Variants in ALOX5AP observed in about 807,000 individuals in gnomAD.
ALOX5AP encodes the protein arachidonate 5-lipoxygenase activating protein, also known as arachidonate 5-lipoxygenase-activating protein.
Under a neutral mutation model 18.5 loss-of-function variants are expected in ALOX5AP, and 9 were observed. The observed-to-expected ratio is 0.49, with a 90% confidence interval of 0.29 to 0.85. The LOEUF is 0.85. Among genes scored for constraint, ALOX5AP ranks in the 40% least tolerant of loss-of-function variants. The pLI, the probability that ALOX5AP is intolerant of heterozygous loss-of-function variation, is 0.08. For synonymous variants in ALOX5AP, 81 were observed against 78.6 expected, an observed-to-expected ratio of 1.03 and a Z score of -0.16; for missense variants, 172 against 202.5, an observed-to-expected ratio of 0.85 and a Z score of 0.91.
chr13:30,718,526 G>C (rs1033964119), intron 1 of ALOX5AP, among the ~76,000 whole-genome samples: 1 of 151,708 alleles, frequency 6.6e-6, no homozygotes, highest in African/African-American at 2.4e-5. Flanking sequence ...CCCATCCACT[G>C]TGCCCTTTGG....
At chr13:30,744,423 T>C (rs747256766) in intron 2 of ALOX5AP, 4 of 362,692 alleles carry the variant, frequency 1.1e-5, no homozygotes, top group Non-Finnish European at 2.1e-5. Context: ...CAGAAAGATC[T>C]GAAAGAGTCA....
At position 30,763,088 on chromosome 13, in the gene ALOX5AP, G is replaced by T. The variant is rs372645752; in HGVS notation, c.324-856G>T. Among the ~76,000 whole-genome samples the T allele has an allele frequency of 3.9e-5, 6 of 152,130 alleles. No individual in the cohort carries two copies. In the East Asian group the frequency reaches 1.2e-3, roughly 29 times the overall value. ...TTTGGGAGGCCGAGGTGAGTGGATTGCCTGAGCTCAGGAGTTCAAGACCAG... is the reference window on the plus strand; with the variant it reads ...TTTGGGAGGCCGAGGTGAGTGGATTTCCTGAGCTCAGGAGTTCAAGACCAG... On this transcript the variant is annotated intron_variant, in intron 4 of 4. Coordinates refer to ENST00000380490, the MANE Select transcript of ALOX5AP (RefSeq NM_001629.4).
intron 1 of ALOX5AP, among the ~76,000 whole-genome samples, chr13:30,741,871 G>C (rs1951769665): frequency 6.9e-6 from 1 of 144,888 alleles, no homozygotes; most frequent in Non-Finnish European, 1.5e-5. Flanking sequence ...TCAGTGGTTG[G>C]TTGACTCCAG....
intron 2 of ALOX5AP, among the ~76,000 whole-genome samples, chr13:30,749,171 GAACTAATAGTCAGGA>G (rs1486625274): frequency 6.6e-6 from 1 of 152,214 alleles, no homozygotes; most frequent in African/African-American, 2.4e-5. Flanking sequence ...AAGGTGACTT[GAACTAATAGTCAGGA>G]ATGGTTGAAT....
At chr13:30,747,082 C>T (rs1425333184) in intron 2 of ALOX5AP, among the ~76,000 whole-genome samples, 1 of 152,230 alleles carries the variant, frequency 6.6e-6, no homozygotes, top group Non-Finnish European at 1.5e-5. Flanking sequence ...TGGGCTGTCC[C>T]TCCACCCATC....
At chr13:30,717,157 T>A (rs1357603787) in intron 1 of ALOX5AP, among the ~76,000 whole-genome samples, 3 of 152,180 alleles carry the variant, frequency 2.0e-5, no homozygotes, top group Non-Finnish European at 4.4e-5. Flanking sequence ...TGAAAACACC[T>A]CTAGCAGGCA....
At position 30,764,358 on chromosome 13, in the gene ALOX5AP, C is replaced by G. The variant is rs1951972497; in HGVS notation, c.*252C>G. ...TGTTTGTTTCTTCACTTATCCTGTT[C>G]TCTGAAGATGTTTTGTGACCAGGTT... On this transcript the variant is annotated 3_prime_UTR_variant, in exon 5 of 5. Transcript: ENST00000380490. The G allele has an allele frequency of 2.4e-6, 1 of 410,924 alleles. No homozygotes were observed. The allele number at this position is 410,924 out of a possible 1,614,324, so 25.5% of individuals were successfully genotyped here.
At chr13:30,737,745 CAG>C (rs1951732683) in intron 1 of ALOX5AP, among the ~76,000 whole-genome samples, 1 of 152,136 alleles carries the variant, frequency 6.6e-6, no homozygotes, top group African/African-American at 2.4e-5. Flanking sequence ...AATTTGTGGT[CAG>C]AGTGACTTTG....
intron 1 of ALOX5AP, among the ~76,000 whole-genome samples, chr13:30,719,703 G>A (rs1951578266): frequency 6.6e-6 from 1 of 152,206 alleles, no homozygotes; most frequent in Non-Finnish European, 1.5e-5. Context: ...TTCTAGAGAA[G>A]TGAGACGATG....
At chr13:30,754,562 T>A (rs956128504) in intron 3 of ALOX5AP, among the ~76,000 whole-genome samples, 5 of 152,230 alleles carry the variant, frequency 3.3e-5, no homozygotes, top group Non-Finnish European at 5.9e-5. Flanking sequence ...ATCTGGCTAT[T>A]TATGACCTAC....
At chr13:30,757,400 C>T (rs1384927000) in intron 4 of ALOX5AP, among the ~76,000 whole-genome samples, 1 of 152,166 alleles carries the variant, frequency 6.6e-6, no homozygotes, top group Non-Finnish European at 1.5e-5. Context: ...TTCTTCATTC[C>T]TCTCTAGTGG....
intron 1 of ALOX5AP, among the ~76,000 whole-genome samples, chr13:30,736,603 C>T (rs1951724047): frequency 6.6e-6 from 1 of 152,166 alleles, no homozygotes; most frequent in Non-Finnish European, 1.5e-5. Flanking sequence ...AGTATTTAAT[C>T]ACTTTGGGAT....
chr13:30,757,002 G>A (rs17222933), intron 4 of ALOX5AP, among the ~76,000 whole-genome samples: 9,888 of 152,048 alleles, frequency 0.065, 453 homozygotes, highest in Non-Finnish European at 0.1. Context: ...AAGAAATGTC[G>A]GCGTTAGAGT....
chr13:30,738,073 A>C (rs1203217773), intron 1 of ALOX5AP, among the ~76,000 whole-genome samples: 1 of 152,176 alleles, frequency 6.6e-6, no homozygotes, highest in Non-Finnish European at 1.5e-5. Flanking sequence ...ATTTCCTGTT[A>C]GTTAAAAAAA....
At chr13:30,725,186 C>T (rs949692008) in intron 1 of ALOX5AP, among the ~76,000 whole-genome samples, 4 of 152,170 alleles carry the variant, frequency 2.6e-5, no homozygotes, top group African/African-American at 9.7e-5. Flanking sequence ...AGTGGTTAAT[C>T]GTTTAGTCTG....
chr13:30,746,634 G>A (rs1000474158), intron 2 of ALOX5AP, among the ~76,000 whole-genome samples: 4 of 152,200 alleles, frequency 2.6e-5, no homozygotes, highest in Admixed American at 6.5e-5. Context: ...GGAGAAAGTC[G>A]TCCCAGCAGC....
chr13:30,747,104 C>A lies in ALOX5AP; in HGVS notation c.170+2945C>A, dbSNP rs977190993. Among the ~76,000 whole-genome samples, 25 of 152,316 alleles carry A rather than the reference C, an allele frequency of 1.6e-4. 1 individual carries two copies. Among genetic ancestry groups the A allele is most frequent in the African/African-American group, 5.5e-4 (23 of 41,562 alleles). On this transcript the variant is annotated intron_variant, in intron 2 of 4. Transcript: ENST00000380490. ...TCCCTCCACCCATCTCCCATGAGGG[C>A]AGAGCTGAGCCAGGGTTTGAGAGCT...
At chr13:30,721,364 A>G (rs1464615927) in intron 1 of ALOX5AP, among the ~76,000 whole-genome samples, 1 of 152,164 alleles carries the variant, frequency 6.6e-6, no homozygotes, top group African/African-American at 2.4e-5. Context: ...GTACTGTAAG[A>G]CTGAGGATAG....
chr13:30,755,456 T>A (rs1951885438), intron 3 of ALOX5AP, among the ~76,000 whole-genome samples: 1 of 152,078 alleles, frequency 6.6e-6, no homozygotes, highest in Non-Finnish European at 1.5e-5. Flanking sequence ...GAAATAGAAA[T>A]GTGGGTACTA....
Sources: allele counts gnomAD v4.1 joint callset (sites outside exome capture counted in the v4.1 genomes callset), GRCh38; gene constraint gnomAD v4.1.1; transcripts MANE v1.5; gene names NCBI Gene and HGNC (gene_info 2026-07-23, HGNC 2026-07-21).